GPC5: variants seen among roughly 807,000 people sequenced by gnomAD.
GPC5 encodes the protein glypican 5.
In GPC5, 47 loss-of-function variants were observed where a neutral mutation model predicts 53.9. The ratio of observed to expected loss-of-function variants is 0.87; its 90% CI spans 0.69 to 1.11. GPC5 has a LOEUF of 1.11. Among genes scored for constraint, GPC5 ranks in the 50% most tolerant of loss-of-function variants. GPC5 has a pLI of 0.00. For synonymous variants in GPC5, 286 were observed against 263.3 expected (o/e 1.09, Z -0.84); for missense variants, 748 against 713.1 (o/e 1.05, Z -0.56).
At chr13:92,506,650 T>C (rs1330816269) in intron 7 of GPC5, among the ~76,000 whole-genome samples, 2 of 152,108 alleles carry the variant, frequency 1.3e-5, no homozygotes, top group Non-Finnish European at 2.9e-5. Context: ...TCTGTTTCTT[T>C]TGTTTTGTGG....
chr13:91,528,455 CCT>C (rs1886187390), intron 2 of GPC5, among the ~76,000 whole-genome samples: 1 of 152,196 alleles, frequency 6.6e-6, no homozygotes, highest in African/African-American at 2.4e-5. Flanking sequence ...TCTGACACCA[CCT>C]CAGCCTGGAC....
intron 7 of GPC5, among the ~76,000 whole-genome samples, chr13:92,373,611 T>C (rs900106010): frequency 3.3e-5 from 5 of 152,212 alleles, no homozygotes; most frequent in Non-Finnish European, 7.3e-5. Flanking sequence ...TGATTATAAA[T>C]CGCTGTCTAC....
intron 7 of GPC5, among the ~76,000 whole-genome samples, chr13:92,666,556 TC>T (rs1886572797): frequency 6.6e-6 from 1 of 152,194 alleles, no homozygotes; most frequent in African/African-American, 2.4e-5. Context: ...TGACAAATGT[TC>T]TAATTTCAGT....
chr13:92,589,224 G>C (rs895473386), intron 7 of GPC5, among the ~76,000 whole-genome samples: 1 of 152,202 alleles, frequency 6.6e-6, no homozygotes, highest in East Asian at 1.9e-4. Flanking sequence ...TCCATCTACC[G>C]GCTGTACCAA....
intron 7 of GPC5, among the ~76,000 whole-genome samples, chr13:92,346,932 A>G (rs1271662090): frequency 6.6e-6 from 1 of 152,188 alleles, no homozygotes; most frequent in Non-Finnish European, 1.5e-5. Flanking sequence ...AGAAGATGTG[A>G]TTAAGCAGCA....
chr13:92,056,922 A>G (rs1237689797), intron 6 of GPC5, among the ~76,000 whole-genome samples: 2 of 152,204 alleles, frequency 1.3e-5, no homozygotes, highest in African/African-American at 4.8e-5. Flanking sequence ...GATTAACCTC[A>G]GTTACCTAAT....
chr13:92,302,206 A>T (rs1369870334), intron 7 of GPC5, among the ~76,000 whole-genome samples: 1 of 152,088 alleles, frequency 6.6e-6, no homozygotes, highest in Non-Finnish European at 1.5e-5. Context: ...TTGCACTTTA[A>T]TTAATATTAT....
intron 7 of GPC5, among the ~76,000 whole-genome samples, chr13:92,158,991 G>C (rs1244715223): frequency 6.6e-6 from 1 of 152,180 alleles, no homozygotes; most frequent in African/African-American, 2.4e-5. Context: ...TCAGTGAAAT[G>C]AGTGTGGTGC....
intron 7 of GPC5, among the ~76,000 whole-genome samples, chr13:92,591,970 G>T (rs1029698733): frequency 6.6e-5 from 10 of 152,148 alleles, no homozygotes; most frequent in African/African-American, 2.4e-4. Flanking sequence ...CTCCAGCTGA[G>T]GGTCACTTTT....
At chr13:92,858,775 C>T (rs997040243) in intron 7 of GPC5, among the ~76,000 whole-genome samples, 9 of 151,884 alleles carry the variant, frequency 5.9e-5, no homozygotes, top group South Asian at 2.1e-4. Flanking sequence ...ACCTGTGTTA[C>T]GAACCTGCAC....
rs984313707 is a variant in GPC5 at position 91,398,903 on chromosome 13, T to C, written c.-144T>C. The stretch of plus-strand genomic sequence containing the variant: ...GCTAACTGCTCCCAGGTGAAGCCGG[T>C]GCCCGCGGGCGGTCCGTACACCCCG... On this transcript the variant is annotated 5_prime_UTR_variant, in exon 1 of 8. Transcript: ENST00000377067. 3 of 995,118 alleles carry C rather than the reference T, an allele frequency of 3.0e-6. No individual in the cohort carries two copies. Among genetic ancestry groups the C allele is most frequent in the Non-Finnish European group, 4.2e-6 (3 of 707,930 alleles). The allele number at this position is 995,118 out of a possible 1,614,324, so 61.6% of individuals were successfully genotyped here.
At chr13:91,847,175 C>T (rs569503480) in intron 5 of GPC5, among the ~76,000 whole-genome samples, 7 of 144,816 alleles carry the variant, frequency 4.8e-5, no homozygotes, top group South Asian at 4.4e-4. Context: ...GCCGAGATGG[C>T]GCCACTGCAC....
intron 5 of GPC5, among the ~76,000 whole-genome samples, chr13:91,876,082 C>G (rs990326088): frequency 6.6e-6 from 1 of 152,148 alleles, no homozygotes; most frequent in Non-Finnish European, 1.5e-5. Flanking sequence ...TCTCATTTTT[C>G]TCTTTCCCCT....
intron 3 of GPC5, among the ~76,000 whole-genome samples, chr13:91,726,744 C>T (rs1340140395): frequency 3.3e-5 from 5 of 152,200 alleles, no homozygotes; most frequent in Admixed American, 2.6e-4. Flanking sequence ...TTCCATTTTA[C>T]TGCTTCTCTG....
rs1005839065 is a variant in GPC5, at chr13:92,035,469, T to C, written c.1402-109361T>C. On this transcript the variant is annotated intron_variant, in intron 6 of 7. Coordinates refer to ENST00000377067, the MANE Select transcript of GPC5 (RefSeq NM_004466.6). ...TGTCTTGTCCCAATTGGCATTTTAGTTGGGATCACTACACTATTTCTGTTT... is the reference window on the plus strand; with the variant it reads ...TGTCTTGTCCCAATTGGCATTTTAGCTGGGATCACTACACTATTTCTGTTT... Among the ~76,000 whole-genome samples, 15 of 152,276 alleles carry C rather than the reference T, an allele frequency of 9.9e-5. No homozygotes were observed. In the South Asian group the frequency reaches 2.1e-3, roughly 21 times the overall value.
At chr13:92,527,228 AG>A (rs1881373025) in intron 7 of GPC5, among the ~76,000 whole-genome samples, 1 of 39,878 alleles carries the variant, frequency 2.5e-5, no homozygotes, top group Non-Finnish European at 4.1e-5. Context: ...AAAGAAAGAA[AG>A]AAAGAAAGAA....
chr13:92,589,611 T>C (rs1311047750), intron 7 of GPC5, among the ~76,000 whole-genome samples: 1 of 152,184 alleles, frequency 6.6e-6, no homozygotes, highest in South Asian at 2.1e-4. Flanking sequence ...ATTGTGTTAT[T>C]CTCCAACCCA....
intron 5 of GPC5, among the ~76,000 whole-genome samples, chr13:91,810,904 C>T (rs1252513848): frequency 4.1e-5 from 6 of 146,352 alleles, no homozygotes; most frequent in Middle Eastern, 3.7e-3. Flanking sequence ...TTCTTTGTTC[C>T]TTTTTATTTA....
intron 2 of GPC5, among the ~76,000 whole-genome samples, chr13:91,686,073 TA>T (rs1184185242): frequency 6.6e-6 from 1 of 152,078 alleles, no homozygotes; most frequent in Non-Finnish European, 1.5e-5. Context: ...TTTCTGAGTT[TA>T]AAGATTATTA....
Sources: allele counts gnomAD v4.1 joint callset (sites outside exome capture counted in the v4.1 genomes callset), GRCh38; gene constraint gnomAD v4.1.1; transcripts MANE v1.5; gene names NCBI Gene and HGNC (gene_info 2026-07-23, HGNC 2026-07-21).